Variants in TCOF1 observed in about 807,000 individuals in gnomAD.
TCOF1 encodes treacle ribosome biogenesis factor 1.
A neutral mutation model predicts 149.0 loss-of-function variants in TCOF1; 33 were observed. The ratio of observed to expected loss-of-function variants is 0.22; its 90% CI spans 0.17 to 0.30. TCOF1 has a LOEUF of 0.30. TCOF1 is among the 10% of genes least tolerant of loss of function. TCOF1 has a pLI of 1.00. For missense variants in TCOF1, 1,728 were observed against 1,840.7 expected (o/e 0.94, Z 1.12); for synonymous variants, 789 against 738.8 (o/e 1.07, Z -1.10).
chr5:150,383,622 G>A lies in TCOF1; in HGVS notation c.2859+3890G>A, dbSNP rs1256137410. On this transcript the variant is annotated intron_variant, in intron 17 of 26. Transcript: ENST00000643257. ...GAGTGTTGCCCCATTTGACAGATTG[G>A]GAATCAAGCCTTAGAGTTGAAGCAG... 1.3e-5 allele frequency: 14 copies of A among 1,098,798 alleles called. No individual in the cohort carries two copies. In the Admixed American group the frequency reaches 1.4e-4, roughly 11 times the overall value. 68.1% of individuals were successfully genotyped at this position (1,098,798 alleles called of 1,614,324 possible). A position where few individuals can be genotyped will look rare whatever the true frequency, so the allele number is the denominator to read the frequency against.
intron 18 of TCOF1, among the ~76,000 whole-genome samples, 183 bp downstream of exon 18, chr5:150,388,271 G>T (rs548321258): frequency 5.3e-4 from 81 of 152,314 alleles, no homozygotes; most frequent in Non-Finnish European, 9.8e-4. Context: ...CTGCAGTTCT[G>T]GGGGAATAGT....
chr5:150,379,865 G>A (rs1262487727), intron 17 of TCOF1, 133 bp downstream of exon 17: 33 of 1,098,902 alleles, frequency 3.0e-5, no homozygotes, highest in Admixed American at 6.0e-5. Context: ...TGAGGTCAGG[G>A]GTTCAAGACC....
chr5:150,399,115 C>G (rs1246029928), intron 26 of TCOF1, 45 bp downstream of exon 26: 5 of 1,612,290 alleles, frequency 3.1e-6, no homozygotes, highest in Middle Eastern at 1.6e-4. Context: ...GGGAGGACAG[C>G]TCTGGTGTCC....
At chr5:150,398,657 G>T (rs1390547544) in intron 25 of TCOF1, among the ~76,000 whole-genome samples, 1 of 152,194 alleles carries the variant, frequency 6.6e-6, no homozygotes, top group African/African-American at 2.4e-5. Flanking sequence ...GAGGTAGAAG[G>T]GTGTTGGGGA....
At chr5:150,382,571 C>CTT (rs972934431) in intron 17 of TCOF1, among the ~76,000 whole-genome samples, 8 of 152,358 alleles carry the variant, frequency 5.3e-5, no homozygotes, top group African/African-American at 4.8e-5. Flanking sequence ...ACCCAGATCT[C>CTT]TGAGTCCTCC....
chr5:150,375,239 G>C (rs1365483921), intron 10 of TCOF1, 76 bp downstream of exon 10: 18 of 1,610,534 alleles, frequency 1.1e-5, no homozygotes, highest in South Asian at 1.1e-4. Context: ...TTTCCTCTCT[G>C]AACCTAGAGC....
rs556259715 is a variant in TCOF1 at position 150,364,093 on chromosome 5, C to T, written c.165-20C>T. The T allele has an allele frequency of 5.0e-6, 8 of 1,614,006 alleles. No homozygotes were observed. Among genetic ancestry groups the T allele is most frequent in the East Asian group, 2.2e-5 (1 of 44,880 alleles). ...TGTTCTGTCACCCAGTTGGTATAGA[C>T]AGTCACCCTTGTCCTGCAGAACCTC... On this transcript the variant is annotated intron_variant, in intron 2 of 26. Transcript: ENST00000643257.
rs572591218 is a variant in TCOF1, at chr5:150,376,365, C to T, written c.2142+35C>T. The T allele has an allele frequency of 5.0e-5, 80 of 1,614,162 alleles. 2 individuals are homozygous for T. In the South Asian group the frequency reaches 6.9e-4, roughly 14 times the overall value. ...GTGTTTTCTGGGCGGGCCTCAGGGC[C>T]GCCCCTACGTGGTCCTTTGGACTCC... On this transcript the variant is annotated intron_variant, in intron 13 of 26. Coordinates refer to ENST00000643257, the MANE Select transcript of TCOF1 (RefSeq NM_001371623.1).
chr5:150,391,466 A>G, intron 19 of TCOF1, 78 bp from the exon 20 acceptor site: 4 of 1,295,814 alleles, frequency 3.1e-6, no homozygotes, highest in Non-Finnish European at 3.4e-6. Flanking sequence ...CCCCAGCCAG[A>G]CAGCATCTGA....
intron 6 of TCOF1, among the ~76,000 whole-genome samples, chr5:150,370,844 A>G (rs1581083596): frequency 1.3e-5 from 2 of 152,168 alleles, no homozygotes; most frequent in East Asian, 3.9e-4. Context: ...TTATGGGGAA[A>G]GTGACACAAG....
intron 17 of TCOF1, chr5:150,383,006 C>T (rs1011176090): frequency 1.4e-6 from 2 of 1,398,500 alleles, no homozygotes; most frequent in Non-Finnish European, 1.9e-6. Context: ...GCTGTTTCCC[C>T]CTCAGCAAAT....
intron 1 of TCOF1, among the ~76,000 whole-genome samples, chr5:150,360,441 C>T (rs920680424): frequency 3.9e-5 from 6 of 152,182 alleles, no homozygotes; most frequent in Non-Finnish European, 8.8e-5. Flanking sequence ...CTGGATGCCT[C>T]AGGTGTCTGG....
intron 24 of TCOF1, among the ~76,000 whole-genome samples, chr5:150,398,061 C>T (rs1474840233): frequency 6.6e-6 from 1 of 152,146 alleles, no homozygotes; most frequent in Non-Finnish European, 1.5e-5. Flanking sequence ...TAGCTGGGAC[C>T]ACAGGCGTGC....
rs776561920 is a variant in TCOF1 at position 150,375,086 on chromosome 5, CAGG to C, written c.1419_1421del (p.Glu473del). 6.8e-6 allele frequency: 11 copies of C among 1,613,616 alleles called. No homozygotes were observed. The highest frequency in any genetic ancestry group is 1.3e-5 in the African/African-American group (1 of 74,776). ...AGCCGCCCAGGTCCAGGTGGGGAAG[CAGG>C]AGGAGGACTCAAGAAGCAGCAGCGA... On this transcript the variant is annotated inframe_deletion, in exon 10 of 27. Coordinates refer to ENST00000643257, the MANE Select transcript of TCOF1 (RefSeq NM_001371623.1).
chr5:150,395,769 T>G (rs376183441), intron 23 of TCOF1, among the ~76,000 whole-genome samples: 1 of 152,174 alleles, frequency 6.6e-6, no homozygotes, highest in East Asian at 1.9e-4. Flanking sequence ...TGGCCCCCAC[T>G]TTTATTATAA....
intron 3 of TCOF1, among the ~76,000 whole-genome samples, chr5:150,365,832 C>T (rs915816387): frequency 3.3e-5 from 5 of 152,012 alleles, no homozygotes; most frequent in Non-Finnish European, 7.4e-5. Flanking sequence ...AAAGTCTTCA[C>T]TGGGTTGGGC....
Position 150,372,144 on chromosome 5 carries a change from G to T in TCOF1, c.778G>T (p.Ala260Ser). Residue 260 changes from alanine (A) to serine (S), a missense_variant, in exon 7 of 27, where the codon GCC becomes TCC. Ala to Ser is a moderately conservative substitution (Grantham distance 99). Transcript: ENST00000643257. ...GGTCAAAGGAGGGGCCCTGCCCCCA[G>T]CCAAGAGGGCCAAGAAGCCAGAAGA... ...PQVKGGALPPAKRAKKPEEES... is the reference protein window; with the variant it reads ...PQVKGGALPPSKRAKKPEEES... 1.9e-6 allele frequency: 3 copies of T among 1,614,224 alleles called. No individual in the cohort carries two copies. Among genetic ancestry groups the T allele is most frequent in the Non-Finnish European group, 2.5e-6 (3 of 1,180,040 alleles).
At position 150,392,077 on chromosome 5, in the gene TCOF1, C is replaced by T. The variant is rs745714471; in HGVS notation, c.3418C>T (p.Pro1140Ser). 10 of 1,614,096 alleles carry T rather than the reference C, an allele frequency of 6.2e-6. No homozygotes were observed. The highest frequency in any genetic ancestry group is 3.3e-5 in the Admixed American group (2 of 60,010). Residue 1140 changes from proline (P) to serine (S), a missense_variant, in exon 21 of 27, where the codon CCT becomes TCT. By Grantham distance (74) the Pro-to-Ser change is moderately conservative (BLOSUM62 -1). Coordinates refer to ENST00000643257, the MANE Select transcript of TCOF1 (RefSeq NM_001371623.1). ...TGAGGTCCAGCAGGCCACCAAAGCC[C>T]CTGAGAGCTCAGATGACAGTGAGGA... Reference protein sequence around the residue: ...LPEVQQATKAPESSDDSEDSS... With the variant: ...LPEVQQATKASESSDDSEDSS...
intron 25 of TCOF1, 57 bp downstream of exon 25, chr5:150,398,508 C>G (rs1462040527): frequency 6.2e-7 from 1 of 1,612,288 alleles, no homozygotes; most frequent in Non-Finnish European, 8.5e-7. Flanking sequence ...CAAGCCCCCT[C>G]CTACACACCC....
Sources: gnomAD v4.1 joint callset for allele counts (sites outside exome capture counted in the v4.1 genomes callset) on GRCh38, gnomAD v4.1.1 for gene constraint, MANE v1.5 for transcripts, NCBI Gene and HGNC (gene_info 2026-07-23, HGNC 2026-07-21) for gene names.